Variants in EEF2 observed in about 807,000 individuals in gnomAD.
The protein encoded by EEF2 is elongation factor 2.
Under a neutral mutation model 85.3 loss-of-function variants are expected in EEF2, and 21 were observed. The observed-to-expected ratio is 0.25, with a 90% CI of 0.17 to 0.35. The LOEUF is 0.35. Among genes scored for constraint, EEF2 ranks in the 10% least tolerant of loss-of-function variants. The probability of loss-of-function intolerance (pLI) is 1.00; values close to 1 mark genes in which losing one functional copy is unlikely to be tolerated. For missense variants in EEF2, 825 were observed against 1,225.3 expected (o/e 0.67, Z 4.88); for synonymous variants, 723 against 508.8 (o/e 1.42, Z -5.67).
At position 3,982,926 on chromosome 19, in the gene EEF2, G is replaced by A. The variant is rs1157611677; in HGVS notation, c.493C>T (p.Leu165=). ...LMMNKMDRAL[L]ELQLEPEELY... is the part of the protein sequence containing the mutation. ...TCCTCGGGCTCCAGCTGCAGCTCCA[G>A]CAGGGCGCGGTCCATCTTGTTCATC... Residue 165 remains leucine (L), a synonymous_variant, in exon 4 of 15, where the codon CTG becomes TTG. Transcript: ENST00000309311. 1 of 1,613,408 alleles carries A rather than the reference G, an allele frequency of 6.2e-7. No homozygotes were observed. Among genetic ancestry groups the A allele is most frequent in the Non-Finnish European group, 8.5e-7 (1 of 1,179,982 alleles).
chr19:3,976,470 T>C lies in EEF2; in HGVS notation c.*84A>G. On this transcript the variant is annotated 3_prime_UTR_variant, in exon 15 of 15. Transcript: ENST00000309311. Reference sequence around the variant, plus strand: ...GGAGCGTCGCTGTGTCGGGACAGTCTCCAGGTGTCGTCTGAGAATTCGAGG... The same window carrying C: ...GGAGCGTCGCTGTGTCGGGACAGTCCCCAGGTGTCGTCTGAGAATTCGAGG... 2.0e-6 allele frequency: 3 copies of C among 1,487,560 alleles called. No homozygotes were observed. Among genetic ancestry groups the C allele is most frequent in the Non-Finnish European group, 2.7e-6 (3 of 1,102,980 alleles). 92.1% of individuals were successfully genotyped at this position (1,487,560 alleles called of 1,614,324 possible). A position where few individuals can be genotyped will look rare whatever the true frequency, so the allele number is the denominator to read the frequency against.
rs776577472 is a variant in EEF2 at position 3,980,446 on chromosome 19, C to T, written c.1346+68G>A. ...TTACTTCTAGCTCCCGACTGAGGAG[C>T]CCAAGACTTGGAGCAGGGCAGGGCC... On this transcript the variant is annotated intron_variant, in intron 9 of 14. Coordinates refer to ENST00000309311, the MANE Select transcript of EEF2 (RefSeq NM_001961.4). 7.2e-6 allele frequency: 11 copies of T among 1,531,498 alleles called. No homozygotes were observed. The Admixed American group carries it at 2.3e-4, about 32-fold the overall frequency. The allele number at this position is 1,531,498 out of a possible 1,614,324, so 94.9% of individuals were successfully genotyped here. A position where few individuals can be genotyped will look rare whatever the true frequency, so the allele number is the denominator to read the frequency against.
At chr19:3,981,014 G>C in intron 7 of EEF2, 35 bp from the exon 8 acceptor site, 1 of 1,551,932 alleles carries the variant, frequency 6.4e-7, no homozygotes, top group Non-Finnish European at 8.7e-7. Flanking sequence ...GAGACACCTG[G>C]GGAGCCCAGG....
chr19:3,982,586 C>G, intron 4 of EEF2, 162 bp from the exon 5 acceptor site: 1 of 1,094,294 alleles, frequency 9.1e-7, no homozygotes. Flanking sequence ...GGGGCCAGCC[C>G]CTCCACCACC....
intron 9 of EEF2, 145 bp downstream of exon 9, chr19:3,980,366 TAAG>T (rs2145360548): frequency 9.1e-7 from 1 of 1,095,972 alleles, no homozygotes; most frequent in African/African-American, 1.6e-5. Flanking sequence ...CTCACTGGGC[TAAG>T]AACAAAAGTT....
intron 9 of EEF2, among the ~76,000 whole-genome samples, 156 bp downstream of exon 9, chr19:3,980,358 C>T (rs943599699): frequency 3.3e-5 from 5 of 152,258 alleles, no homozygotes; most frequent in African/African-American, 4.8e-5. Context: ...GAAATGCCCT[C>T]ACTGGGCTAA....
At chr19:3,978,348 G>A (rs552905875) in intron 11 of EEF2, among the ~76,000 whole-genome samples, 176 bp from the exon 12 acceptor site, 5 of 152,132 alleles carry the variant, frequency 3.3e-5, no homozygotes, top group Middle Eastern at 3.4e-3. Flanking sequence ...CTCCAGACAA[G>A]GACAAGGAGC....
chr19:3,980,448 C>A, intron 9 of EEF2, 66 bp downstream of exon 9: 1 of 1,536,016 alleles, frequency 6.5e-7, no homozygotes, highest in Admixed American at 2.1e-5. Context: ...CTGAGGAGCC[C>A]AAGACTTGGA....
intron 4 of EEF2, 48 bp downstream of exon 4, chr19:3,982,759 G>A (rs1199880428): frequency 1.7e-5 from 27 of 1,567,720 alleles, no homozygotes; most frequent in East Asian, 2.3e-5. Context: ...ACCGGCTCCT[G>A]CAGATCCCGC....
chr19:3,984,297 G>A lies in EEF2; in HGVS notation c.57C>T (p.Ile19=), dbSNP rs147709482. The A allele has an allele frequency of 1.2e-6, 2 of 1,614,096 alleles. No homozygotes were observed. Among genetic ancestry groups the A allele is most frequent in the East Asian group, 2.2e-5 (1 of 44,898 alleles). Residue 19 remains isoleucine (I), a synonymous_variant, in exon 2 of 15, where the codon ATC becomes ATT. Transcript: ENST00000309311. The stretch of plus-strand genomic sequence containing the variant: ...CGTGGGCGATGACAGACATGTTGCG[G>A]ATGTTGGCCTTCTTGTCCATGATGG... ...IRAIMDKKAN[I]RNMSVIAHVD... is the part of the protein sequence containing the mutation.
chr19:3,983,416 A>G (rs2039780137), intron 2 of EEF2, 125 bp from the exon 3 acceptor site: 3 of 1,038,992 alleles, frequency 2.9e-6, no homozygotes, highest in African/African-American at 1.6e-5. Flanking sequence ...CTCCCACAAG[A>G]GCCAACCCAC....
Position 3,981,423 on chromosome 19 carries a change from T to C in EEF2, c.927A>G (p.Lys309=), listed in dbSNP as rs776322385. 9 of 1,614,064 alleles carry C rather than the reference T, an allele frequency of 5.6e-6. No individual in the cohort carries two copies. Among genetic ancestry groups the C allele is most frequent in the South Asian group, 2.2e-5 (2 of 91,084 alleles). ...TCTCTATCAGTTTTGCTGTCTCCTC[T>C]TTCTTGAAATTCATGATCGCATCAA... ...KVFDAIMNFK[K]EETAKLIEKL... is the part of the protein sequence containing the mutation. The change falls in exon 7 of 15, where the codon AAA becomes AAG. Residue 309 remains lysine, a synonymous_variant. Coordinates refer to ENST00000309311, the MANE Select transcript of EEF2 (RefSeq NM_001961.4).
rs547585435 is a variant in EEF2 at position 3,983,231 on chromosome 19, C to T, written c.279G>A (p.Lys93=). 2.6e-4 allele frequency: 423 copies of T among 1,614,014 alleles called. 5 individuals carry two copies. In the South Asian group the frequency reaches 4.1e-3, roughly 16 times the overall value. ...ENDLNFIKQS[K]DGAGFLINLI... is the part of the protein sequence containing the mutation. ...GGTTGATGAGGAAGCCGGCACCGTC[C>T]TTGCTCTGCTTGATGAAGTTCAAGT... Residue 93 remains lysine, a synonymous_variant, in exon 3 of 15, where the codon AAG becomes AAA. Coordinates refer to ENST00000309311, the MANE Select transcript of EEF2 (RefSeq NM_001961.4).
At chr19:3,983,884 G>A in intron 2 of EEF2, 1 of 536,724 alleles carries the variant, frequency 1.9e-6, no homozygotes, top group Non-Finnish European at 3.4e-6. Flanking sequence ...AGGAGTGGGG[G>A]CAAGTCCCCC....
intron 6 of EEF2, among the ~76,000 whole-genome samples, chr19:3,981,739 C>T (rs1373123379): frequency 2.0e-5 from 3 of 152,260 alleles, no homozygotes; most frequent in African/African-American, 7.2e-5. Flanking sequence ...CCCCTCAATG[C>T]AGGAGAGGTC....
chr19:3,983,924 C>T, intron 2 of EEF2: 1 of 593,220 alleles, frequency 1.7e-6, no homozygotes, highest in Non-Finnish European at 3.0e-6. Flanking sequence ...GTTAAGCCCC[C>T]TCCTCAAGAA....
intron 7 of EEF2, 79 bp downstream of exon 7, chr19:3,981,260 C>T: frequency 1.4e-6 from 2 of 1,410,688 alleles, no homozygotes; most frequent in Non-Finnish European, 2.0e-6. Context: ...GGACTTCAGC[C>T]CCCAGGCCTG....
In EEF2 at chr19:3,984,326, G is replaced by A. The variant is rs1259288991; in HGVS notation, c.28C>T (p.Arg10Cys). 3.1e-6 allele frequency: 5 copies of A among 1,614,084 alleles called. No homozygotes were observed. Among genetic ancestry groups the A allele is most frequent in the African/African-American group, 1.3e-5 (1 of 74,938 alleles). ...TTGGCCTTCTTGTCCATGATGGCGCGGATCTGGTCTACCGTGAAGTTCACC... is the reference window on the plus strand; with the variant it reads ...TTGGCCTTCTTGTCCATGATGGCGCAGATCTGGTCTACCGTGAAGTTCACC... The part of the protein sequence containing the change: MVNFTVDQI[R>C]AIMDKKANIR... The change falls in exon 2 of 15, where the codon CGC becomes TGC. Residue 10 changes from arginine to cysteine, a missense_variant. Coordinates refer to ENST00000309311, the MANE Select transcript of EEF2 (RefSeq NM_001961.4).
At chr19:3,981,710 A>G (rs993616606) in intron 6 of EEF2, among the ~76,000 whole-genome samples, 3 of 152,248 alleles carry the variant, frequency 2.0e-5, no homozygotes, top group East Asian at 1.9e-4. Context: ...TGAACCGCCA[A>G]AGCCACAAGT....
Sources: gnomAD v4.1 joint callset for allele counts (sites outside exome capture counted in the v4.1 genomes callset) on GRCh38, gnomAD v4.1.1 for gene constraint, MANE v1.5 for transcripts, NCBI Gene and HGNC (gene_info 2026-07-23, HGNC 2026-07-21) for gene names.